CNTNAP2: variants seen among roughly 807,000 people sequenced by gnomAD.
CNTNAP2 encodes contactin associated protein 2.
In CNTNAP2, 98 loss-of-function variants were observed where a neutral mutation model predicts 155.2. The ratio of observed to expected loss-of-function variants is 0.63; its 90% CI spans 0.54 to 0.75. The LOEUF (loss-of-function observed/expected upper bound fraction) is 0.75. Ranked by LOEUF, CNTNAP2 falls within the 30% of genes least tolerant of loss-of-function variation. The pLI is 0.00. For missense variants in CNTNAP2, 1,727 were observed against 1,688.1 expected (o/e 1.02, Z -0.40); for synonymous variants, 651 against 631.2 (o/e 1.03, Z -0.47).
chr7:147,609,404 G>A (rs962986580), intron 12 of CNTNAP2, among the ~76,000 whole-genome samples: 1 of 152,098 alleles, frequency 6.6e-6, no homozygotes, highest in South Asian at 2.1e-4. Flanking sequence ...GGTGGCGGGT[G>A]CCTGTAGTCC....
chr7:148,236,691 GA>G (rs111465226), intron 20 of CNTNAP2, among the ~76,000 whole-genome samples: 142 of 152,024 alleles, frequency 9.3e-4, no homozygotes, highest in African/African-American at 3.4e-3. Context: ...AATTCATAAA[GA>G]AAAAAAAGGT....
intron 1 of CNTNAP2, among the ~76,000 whole-genome samples, chr7:146,544,775 A>G (rs1228374200): frequency 6.6e-6 from 1 of 151,908 alleles, no homozygotes; most frequent in Non-Finnish European, 1.5e-5. Context: ...CTAGTAGACC[A>G]ATAGTGAAAA....
intron 3 of CNTNAP2, among the ~76,000 whole-genome samples, chr7:146,915,012 A>G (rs1199666629): frequency 6.6e-6 from 1 of 152,006 alleles, no homozygotes; most frequent in African/African-American, 2.4e-5. Context: ...AGAGATGAGG[A>G]TCCAGTTTTC....
intron 9 of CNTNAP2, among the ~76,000 whole-genome samples, chr7:147,352,259 G>A (rs1212845074): frequency 6.6e-6 from 1 of 151,926 alleles, no homozygotes; most frequent in Non-Finnish European, 1.5e-5. Flanking sequence ...TGACTATAAT[G>A]TAACAAATAG....
intron 15 of CNTNAP2, among the ~76,000 whole-genome samples, chr7:148,101,586 T>C (rs1269303588): frequency 6.6e-6 from 1 of 152,152 alleles, no homozygotes; most frequent in African/African-American, 2.4e-5. Flanking sequence ...AAGTGAAATG[T>C]GAGATTGGTT....
chr7:146,448,705 T>C (rs1216918762), intron 1 of CNTNAP2, among the ~76,000 whole-genome samples: 2 of 152,256 alleles, frequency 1.3e-5, no homozygotes, highest in East Asian at 3.9e-4. Flanking sequence ...AATAAATGGA[T>C]ATTGGTATGA....
chr7:146,245,007 T>C (rs770425156), intron 1 of CNTNAP2, among the ~76,000 whole-genome samples: 5 of 152,166 alleles, frequency 3.3e-5, no homozygotes, highest in Admixed American at 6.5e-5. Flanking sequence ...TGAGAAGTTA[T>C]TTCCTTGAGG....
Position 146,675,274 on chromosome 7 carries a change from A to G in CNTNAP2, c.98-98997A>G, listed in dbSNP as rs77799501. On this transcript the variant is annotated intron_variant, in intron 1 of 23. Coordinates refer to ENST00000361727, the MANE Select transcript of CNTNAP2 (RefSeq NM_014141.6). ...GCTGTTTTTTCCCCTCATACTGGTG[A>G]CATACCCTCCTGTTTGGTCAGAAAG... Among the ~76,000 whole-genome samples, 957 of 152,256 alleles carry G rather than the reference A, an allele frequency of 6.3e-3. 9 individuals carry two copies. The highest frequency in any genetic ancestry group is 0.022 in the African/African-American group (915 of 41,546).
chr7:147,982,042 G>T (rs1801540324), intron 15 of CNTNAP2, among the ~76,000 whole-genome samples: 1 of 152,064 alleles, frequency 6.6e-6, no homozygotes. Flanking sequence ...GTTTCAAATT[G>T]AAATATGTAA....
In CNTNAP2 at chr7:147,883,298, C is replaced by T. The variant is rs538955618; in HGVS notation, c.2099-20267C>T. Reference sequence around the variant, plus strand: ...AAGAGTAGACTGTCAAAACAAGTCCCTGGTTTACTCTTTTTTTTGAGACAG... The same window carrying T: ...AAGAGTAGACTGTCAAAACAAGTCCTTGGTTTACTCTTTTTTTTGAGACAG... On this transcript the variant is annotated intron_variant, in intron 13 of 23. Coordinates refer to ENST00000361727, the MANE Select transcript of CNTNAP2 (RefSeq NM_014141.6). 4.6e-5 allele frequency among the ~76,000 whole-genome samples: 7 copies of T among 152,280 alleles called. 1 individual carries two copies. In the South Asian group the frequency reaches 1.0e-3, roughly 23 times the overall value.
At chr7:146,658,604 A>C (rs1454294568) in intron 1 of CNTNAP2, among the ~76,000 whole-genome samples, 1 of 152,190 alleles carries the variant, frequency 6.6e-6, no homozygotes, top group Admixed American at 6.5e-5. Flanking sequence ...TATGAGGGAC[A>C]TTGAATATAC....
chr7:148,074,645 G>A (rs928271582), intron 15 of CNTNAP2, among the ~76,000 whole-genome samples: 36 of 151,324 alleles, frequency 2.4e-4, no homozygotes, highest in Admixed American at 8.6e-4. Flanking sequence ...CCGAGATTGC[G>A]CCACTGCACT....
At chr7:146,454,023 CA>C (rs1053302167) in intron 1 of CNTNAP2, among the ~76,000 whole-genome samples, 3 of 150,512 alleles carry the variant, frequency 2.0e-5, no homozygotes, top group East Asian at 1.9e-4. Flanking sequence ...AGAAAATTTT[CA>C]AAAAAAATAG....
At chr7:148,207,317 C>T (rs1795467124) in intron 18 of CNTNAP2, among the ~76,000 whole-genome samples, 1 of 152,140 alleles carries the variant, frequency 6.6e-6, no homozygotes, top group South Asian at 2.1e-4. Context: ...GAAATGGGAA[C>T]AGCCCGCCTC....
chr7:146,575,620 T>C (rs1798512764), intron 1 of CNTNAP2, among the ~76,000 whole-genome samples: 1 of 152,206 alleles, frequency 6.6e-6, no homozygotes, highest in African/African-American at 2.4e-5. Flanking sequence ...TGACTTTTCT[T>C]TGAGGGAATT....
At chr7:146,939,611 C>T (rs1008607680) in intron 3 of CNTNAP2, among the ~76,000 whole-genome samples, 1 of 152,048 alleles carries the variant, frequency 6.6e-6, no homozygotes, top group Non-Finnish European at 1.5e-5. Context: ...TTTTTTGATT[C>T]CTTGATTCTC....
intron 21 of CNTNAP2, among the ~76,000 whole-genome samples, chr7:148,324,330 A>G (rs1205450763): frequency 2.6e-5 from 4 of 152,108 alleles, no homozygotes; most frequent in African/African-American, 9.7e-5. Context: ...CTCAACTGTC[A>G]CCTTCTCCTG....
intron 8 of CNTNAP2, among the ~76,000 whole-genome samples, chr7:147,230,381 C>T (rs1448356559): frequency 6.6e-6 from 1 of 152,070 alleles, no homozygotes; most frequent in Non-Finnish European, 1.5e-5. Context: ...CCTCAGCCTC[C>T]TGAGTAGCTG....
intron 1 of CNTNAP2, among the ~76,000 whole-genome samples, chr7:146,590,140 T>C (rs972311372): frequency 6.6e-6 from 1 of 152,270 alleles, no homozygotes; most frequent in African/African-American, 2.4e-5. Context: ...TTCTGTTTGT[T>C]CGTTTGTTTT....
Sources: gnomAD v4.1 joint callset for allele counts (sites outside exome capture counted in the v4.1 genomes callset) on GRCh38, gnomAD v4.1.1 for gene constraint, MANE v1.5 for transcripts, NCBI Gene and HGNC (gene_info 2026-07-23, HGNC 2026-07-21) for gene names.